KMT2B: variants seen among roughly 807,000 people sequenced by gnomAD.
KMT2B encodes the protein histone-lysine N-methyltransferase 2B.
A neutral mutation model predicts 255.3 loss-of-function variants in KMT2B; 22 were observed. The observed-to-expected ratio is 0.09, with a 90% CI of 0.06 to 0.12. The LOEUF (loss-of-function observed/expected upper bound fraction) is 0.12. Ranked by LOEUF, KMT2B falls within the 10% of genes least tolerant of loss-of-function variation. The probability of loss-of-function intolerance (pLI) is 1.00; values close to 1 mark genes in which losing one functional copy is unlikely to be tolerated. For missense variants in KMT2B, 3,149 were observed against 3,737.0 expected (o/e 0.84, Z 4.10); for synonymous variants, 1,730 against 1,498.1 (o/e 1.15, Z -3.57).
Position 35,738,179 on chromosome 19 carries a change from C to A in KMT2B, c.7860C>A (p.Phe2620Leu). The change falls in exon 36 of 37, where the codon TTC becomes TTA. Residue 2620 changes from phenylalanine (F) to leucine (L), a missense_variant. Phe to Leu is a conservative substitution (Grantham distance 22, BLOSUM62 0). This residue lies in a region of KMT2B where 56 missense variants were observed against 238.8 expected (regional missense o/e 0.23). Transcript: ENST00000420124. This position sits in a 1 kb window ranked among gnomAD's most constrained non-coding sequence, Gnocchi z 8.7. ...RSVLTDKREK[F>L]YDGKGIGCYM... ...TGTTGACTGACAAGCGGGAGAAGTT[C>A]TACGATGGGAAGGTGGGCTCCCAGT... The A allele has an allele frequency of 6.2e-7, 1 of 1,613,828 alleles. No individual in the cohort carries two copies. The highest frequency in any genetic ancestry group is 8.5e-7 in the Non-Finnish European group (1 of 1,179,862).
Position 35,729,276 on chromosome 19 carries a change from G to C in KMT2B, c.4897G>C (p.Val1633Leu), listed in dbSNP as rs1325178700. The C allele has an allele frequency of 1.9e-6, 3 of 1,600,242 alleles. No individual in the cohort carries two copies. The Admixed American group carries it at 5.2e-5, about 28-fold the overall frequency. ...CTCCCTCAAGAATGTGCATGCTGCT[G>C]TGGCCCGAGGGAGGCAGATGGTGAG... Reference protein sequence around the residue: ...DGSLKNVHAAVARGRQMRCEL... With the variant: ...DGSLKNVHAALARGRQMRCEL... The change falls in exon 22 of 37, where the codon GTG (valine) becomes CTG (leucine). Residue 1633 changes from valine (V) to leucine (L), a missense_variant. Coordinates refer to ENST00000420124, the MANE Select transcript of KMT2B (RefSeq NM_014727.3).
rs957761415 is a variant in KMT2B at position 35,723,378 on chromosome 19, T to G, written c.3003-69T>G. 3.3e-6 allele frequency: 5 copies of G among 1,538,404 alleles called. No individual in the cohort carries two copies. The highest frequency in any genetic ancestry group is 2.4e-5 in the South Asian group (2 of 82,032). The stretch of plus-strand genomic sequence containing the variant: ...CAGAGCAGTGGGGTTGGCATTCTTG[T>G]GGAGAGCTTCCTCTCTTCCCCCAGA... On this transcript the variant is annotated intron_variant, in intron 6 of 36. Transcript: ENST00000420124. This position sits in a 1 kb window ranked among gnomAD's most constrained non-coding sequence, Gnocchi z 7.5.
rs532098796 is a variant in KMT2B, at chr19:35,738,765, G to T, written c.*208G>T. The T allele has an allele frequency of 5.0e-6, 3 of 604,400 alleles. No homozygotes were observed. Among genetic ancestry groups the T allele is most frequent in the Middle Eastern group, 4.3e-4 (1 of 2,304 alleles). 37.4% of individuals were successfully genotyped at this position (604,400 alleles called of 1,614,324 possible). A position where few individuals can be genotyped will look rare whatever the true frequency, so the allele number is the denominator to read the frequency against. ...CCCCCTTTCTGCCCTGGGGGCCCAG[G>T]ATGTAGATATTGTACAAAGGTTTCT... On this transcript the variant is annotated 3_prime_UTR_variant, in exon 37 of 37. Coordinates refer to ENST00000420124, the MANE Select transcript of KMT2B (RefSeq NM_014727.3). The surrounding 1 kb of genome is among the most constrained non-coding windows in gnomAD (Gnocchi z 8.7).
Position 35,736,715 on chromosome 19 carries a change from G to A in KMT2B, c.7185G>A (p.Glu2395=), listed in dbSNP as rs138094783. The A allele has an allele frequency of 2.2e-4, 359 of 1,613,934 alleles. 1 individual carries two copies. In the African/African-American group the frequency reaches 4.4e-3, roughly 20 times the overall value. Residue 2395 remains glutamate (E), a synonymous_variant, in exon 31 of 37, where the codon GAG becomes GAA. Coordinates refer to ENST00000420124, the MANE Select transcript of KMT2B (RefSeq NM_014727.3). The part of the protein sequence containing the change: ...YSGEASSSEE[E]PPSPDDKENQ... ...GTGAGGCTTCGAGCTCTGAGGAAGA[G>A]CCTCCATCCCCAGATGATAAAGAGA...
rs1465920574 is a variant in KMT2B, at chr19:35,733,216, A to G, written c.6667A>G (p.Thr2223Ala). The change falls in exon 28 of 37, where the codon ACC (threonine) becomes GCC (alanine). Residue 2223 changes from threonine to alanine, a missense_variant. Around this residue, in one of 18 missense-constraint regions of KMT2B, gnomAD observed 897 missense variants for 825.3 expected, o/e 1.09. Coordinates refer to ENST00000420124, the MANE Select transcript of KMT2B (RefSeq NM_014727.3). This position sits in a 1 kb window ranked among gnomAD's most constrained non-coding sequence, Gnocchi z 4.3. ...PPVKQPPLPP[T>A]ISPTAPTSWT... ...AGTGAAGCAGCCACCTTTGCCCCCC[A>G]CCATTTCCCCCACGGCTCCCACCTC... 8.3e-7 allele frequency: 1 copy of G among 1,197,606 alleles called. No homozygotes were observed. Among genetic ancestry groups the G allele is most frequent in the South Asian group, 1.3e-5 (1 of 75,178 alleles). 74.2% of individuals were successfully genotyped at this position (1,197,606 alleles called of 1,614,324 possible).
Position 35,727,833 on chromosome 19 carries a change from G to A in KMT2B, c.4392+46G>A. The A allele has an allele frequency of 1.2e-6, 2 of 1,613,104 alleles. No individual in the cohort carries two copies. Among genetic ancestry groups the A allele is most frequent in the Non-Finnish European group, 1.7e-6 (2 of 1,179,232 alleles). On this transcript the variant is annotated intron_variant, in intron 17 of 36. Transcript: ENST00000420124. This position sits in a 1 kb window ranked among gnomAD's most constrained non-coding sequence, Gnocchi z 4.2. ...AGCAGGTGGGTGGCAGGAGGAGAGGGCTGGAATTGTGCAGAGGGGACTCAG... is the reference window on the plus strand; with the variant it reads ...AGCAGGTGGGTGGCAGGAGGAGAGGACTGGAATTGTGCAGAGGGGACTCAG...
At chr19:35,726,211 C>T (rs751458854) in intron 13 of KMT2B, 25 bp from the exon 14 acceptor site, 1 of 1,584,308 alleles carries the variant, frequency 6.3e-7, no homozygotes, top group Non-Finnish European at 8.7e-7. Flanking sequence ...CCTGGTTTTC[C>T]CCTAACATCG....
rs200918556 is a variant in KMT2B at position 35,719,801 on chromosome 19, C to T, written c.454C>T (p.Arg152Trp). ...CCTTTTAGGTCGAGCGCCCCGAGGTCGGGGTCGCAAGCATAAGACGACCCC... is the reference window on the plus strand; with the variant it reads ...CCTTTTAGGTCGAGCGCCCCGAGGTTGGGGTCGCAAGCATAAGACGACCCC... ...RSQRGRAPRG[R>W]GRKHKTTPLP... The change falls in exon 3 of 37, where the codon CGG becomes TGG. Residue 152 changes from arginine (R) to tryptophan (W), a missense_variant. Transcript: ENST00000420124. 169 of 1,599,866 alleles carry T rather than the reference C, an allele frequency of 1.1e-4. No individual in the cohort carries two copies. The African/African-American group carries it at 1.8e-3, about 17-fold the overall frequency.
Position 35,725,610 on chromosome 19 carries a change from A to G in KMT2B, c.3774A>G (p.Lys1258=). 6.2e-7 allele frequency: 1 copy of G among 1,610,856 alleles called. No individual in the cohort carries two copies. The highest frequency in any genetic ancestry group is 8.5e-7 in the Non-Finnish European group (1 of 1,179,884). ...AATTCTGCCACGTCTGTGGACGCAA[A>G]GGTCGTGGATCCAAGGTTTGGGCCC... ...RCKFCHVCGR[K]GRGSKHLLEC... Residue 1258 remains lysine, a synonymous_variant, in exon 12 of 37, where the codon AAA becomes AAG. Coordinates refer to ENST00000420124, the MANE Select transcript of KMT2B (RefSeq NM_014727.3). This position sits in a 1 kb window ranked among gnomAD's most constrained non-coding sequence, Gnocchi z 4.1.
chr19:35,736,735 A>G lies in KMT2B; in HGVS notation c.7205A>G (p.Lys2402Arg). ...SEEEPPSPDD[K>R]ENQAPKRTGP... is the part of the protein sequence containing the mutation. ...GAAGAGCCTCCATCCCCAGATGATA[A>G]AGAGAACCAGGCCCCAAAACGGACT... The change falls in exon 31 of 37, where the codon AAA becomes AGA. Residue 2402 changes from lysine (K) to arginine (R), a missense_variant. Physicochemically the swap from Lys to Arg is conservative, Grantham distance 26. Transcript: ENST00000420124. 1 of 1,613,924 alleles carries G rather than the reference A, an allele frequency of 6.2e-7. No homozygotes were observed. The highest frequency in any genetic ancestry group is 8.5e-7 in the Non-Finnish European group (1 of 1,179,860).
chr19:35,722,820 C>T, intron 5 of KMT2B, 102 bp downstream of exon 5: 1 of 1,473,234 alleles, frequency 6.8e-7, no homozygotes, highest in South Asian at 1.4e-5. Flanking sequence ...GTCAGGTGCT[C>T]AGGGGTTAGG....
At chr19:35,728,424 G>C (rs1281440919) in intron 19 of KMT2B, among the ~76,000 whole-genome samples, 1 of 152,198 alleles carries the variant, frequency 6.6e-6, no homozygotes, top group Non-Finnish European at 1.5e-5. Flanking sequence ...AGAGCTCATT[G>C]TGGAGCCGGG....
chr19:35,736,609 T>C (rs1448023071), intron 30 of KMT2B, 81 bp from the exon 31 acceptor site: 2 of 1,538,098 alleles, frequency 1.3e-6, no homozygotes, highest in Non-Finnish European at 1.8e-6. Flanking sequence ...GAGAGTGGTG[T>C]CTGCTGGGAG....
At position 35,725,904 on chromosome 19, in the gene KMT2B, A is replaced by G. The variant is rs953818104; in HGVS notation, c.3885+86A>G. The stretch of plus-strand genomic sequence containing the variant: ...CTTGCTCTAGGCTGGGGCTCTCAGG[A>G]GGAGCAGAGGTTGGGGATCCTCTTA... On this transcript the variant is annotated intron_variant, in intron 13 of 36. Transcript: ENST00000420124. This position sits in a 1 kb window ranked among gnomAD's most constrained non-coding sequence, Gnocchi z 4.1. 2.0e-5 allele frequency: 22 copies of G among 1,109,122 alleles called. No homozygotes were observed. In the Admixed American group the frequency reaches 3.5e-4, roughly 18 times the overall value. 68.7% of individuals were successfully genotyped at this position (1,109,122 alleles called of 1,614,324 possible).
chr19:35,718,458 G>T lies in KMT2B; in HGVS notation c.363+77G>T. ...TCCAGGGGTCTGGGTTGTCCCGGGG[G>T]CGGCGTGGGCAGGCCGGGTCCTCAG... On this transcript the variant is annotated intron_variant, in intron 1 of 36. Transcript: ENST00000420124. This position sits in a 1 kb window ranked among gnomAD's most constrained non-coding sequence, Gnocchi z 5.0. 2 of 1,202,130 alleles carry T rather than the reference G, an allele frequency of 1.7e-6. No homozygotes were observed. The highest frequency in any genetic ancestry group is 2.1e-6 in the Non-Finnish European group (2 of 960,936). The allele number at this position is 1,202,130 out of a possible 1,614,324, so 74.5% of individuals were successfully genotyped here.
rs576947785 is a variant in KMT2B at position 35,731,648 on chromosome 19, C to T, written c.5438-260C>T. On this transcript the variant is annotated intron_variant, in intron 26 of 36. Coordinates refer to ENST00000420124, the MANE Select transcript of KMT2B (RefSeq NM_014727.3). ...CTGGAGGGAGGGCAGTTCCCCATGG[C>T]GTGCAAAGCCTGCAGCAGAGGCAGA... Among the ~76,000 whole-genome samples, 10 of 152,246 alleles carry T rather than the reference C, an allele frequency of 6.6e-5. No homozygotes were observed. The South Asian group carries it at 2.1e-3, about 32-fold the overall frequency.
At position 35,732,101 on chromosome 19, in the gene KMT2B, G is replaced by C. The variant is rs1300278315; in HGVS notation, c.5631G>C (p.Leu1877Phe). Residue 1877 changes from leucine to phenylalanine, a missense_variant, in exon 27 of 37, where the codon TTG (leucine) becomes TTC (phenylalanine). This residue lies in a region of KMT2B where 897 missense variants were observed against 825.3 expected (regional missense o/e 1.09). Coordinates refer to ENST00000420124, the MANE Select transcript of KMT2B (RefSeq NM_014727.3). The part of the protein sequence containing the change: ...VPNYSPSRRP[L>F]GGVSFGPLPS... ...ACTACTCGCCATCCCGGAGGCCCTTGGGGGGTGTCTCCTTTGGCCCCCTGC... is the reference window on the plus strand; with the variant it reads ...ACTACTCGCCATCCCGGAGGCCCTTCGGGGGTGTCTCCTTTGGCCCCCTGC... 6.2e-7 allele frequency: 1 copy of C among 1,603,444 alleles called. No homozygotes were observed. Among genetic ancestry groups the C allele is most frequent in the South Asian group, 1.1e-5 (1 of 89,446 alleles).
intron 14 of KMT2B, 74 bp downstream of exon 14, chr19:35,726,427 C>A: frequency 1.0e-6 from 1 of 985,512 alleles, no homozygotes; most frequent in Non-Finnish European, 1.6e-6. Flanking sequence ...GGCTTTAGCA[C>A]AGACCCTCTT....
intron 30 of KMT2B, among the ~76,000 whole-genome samples, chr19:35,734,454 T>G (rs779785477): frequency 3.9e-5 from 6 of 152,086 alleles, no homozygotes; most frequent in Non-Finnish European, 8.8e-5. Context: ...AGAGTTCAGC[T>G]AAGGATCGGG....
Sources: gnomAD v4.1 joint callset for allele counts (sites outside exome capture counted in the v4.1 genomes callset) on GRCh38, gnomAD v4.1.1 for gene constraint, gnomAD v4.1.1 regional missense constraint, Gnocchi (gnomAD v3.1) non-coding constraint, MANE v1.5 for transcripts, NCBI Gene and HGNC (gene_info 2026-07-23, HGNC 2026-07-21) for gene names.